Variants in RCBTB2 observed in about 807,000 individuals in gnomAD.
RCBTB2 encodes RCC1 and BTB domain-containing protein 2.
RCBTB2 carries 55 observed loss-of-function variants against 65.4 expected under a neutral mutation model. The ratio of observed to expected loss-of-function variants is 0.84; its 90% CI spans 0.68 to 1.05. RCBTB2 has a LOEUF of 1.05. Among genes scored for constraint, RCBTB2 ranks in the 50% least tolerant of loss-of-function variants. RCBTB2 has a pLI of 0.00. For synonymous variants in RCBTB2, 220 were observed against 255.2 expected (o/e 0.86, Z 1.31); for missense variants, 599 against 680.1 (o/e 0.88, Z 1.33).
At chr13:48,515,847 C>A in intron 4 of RCBTB2, 106 bp from the exon 5 acceptor site, 1 of 1,153,900 alleles carries the variant, frequency 8.7e-7, no homozygotes, top group Non-Finnish European at 1.2e-6. Flanking sequence ...GAGGAACACA[C>A]TGCATCCATT....
At chr13:48,506,489 G>T (rs1042669755) in intron 10 of RCBTB2, among the ~76,000 whole-genome samples, 2 of 152,204 alleles carry the variant, frequency 1.3e-5, no homozygotes, top group African/African-American at 4.8e-5. Flanking sequence ...GGTTGCCAAG[G>T]AGTAATGAGG....
Position 48,502,794 on chromosome 13 carries a change from G to C in RCBTB2, c.1047C>G (p.His349Gln). ...CAAACACGTCGTCAGTGCAGGAGAA[G>C]TGGGTGAGGTGCGGGAGGATCACGG... ...GQSVILPHLT[H>Q]FSCTDDVFAC... The change falls in exon 11 of 15, where the codon CAC (histidine) becomes CAG (glutamine). Residue 349 changes from histidine (H) to glutamine (Q), a missense_variant. By Grantham distance (24) the His-to-Gln change is conservative. Coordinates refer to ENST00000344532, the MANE Select transcript of RCBTB2 (RefSeq NM_001268.4). 6.2e-7 allele frequency: 1 copy of C among 1,614,236 alleles called. No individual in the cohort carries two copies. Among genetic ancestry groups the C allele is most frequent in the Non-Finnish European group, 8.5e-7 (1 of 1,180,044 alleles).
At chr13:48,517,477 A>G (rs1593748645) in intron 4 of RCBTB2, among the ~76,000 whole-genome samples, 1 of 152,116 alleles carries the variant, frequency 6.6e-6, no homozygotes, top group East Asian at 1.9e-4. Context: ...ATCAAACACA[A>G]CTTTGTTACT....
intron 10 of RCBTB2, among the ~76,000 whole-genome samples, chr13:48,503,549 T>A (rs1042166207): frequency 7.2e-5 from 11 of 151,940 alleles, no homozygotes; most frequent in African/African-American, 2.7e-4. Context: ...GAACAATTTT[T>A]TTTTTTTAAG....
Position 48,490,251 on chromosome 13 carries a change from C to G in RCBTB2, c.1516G>C (p.Asp506His), listed in dbSNP as rs556179166. ...AACCTGAAGCAGAATTCTTCTAAAT[C>G]CTAGGAACAACAACAAAGATGGTTT... ...LSAAVKYDAQ[D>H]LEEFCFRFCI... is the part of the protein sequence containing the mutation. The change falls in exon 15 of 15, where the codon GAT becomes CAT. Residue 506 changes from aspartate to histidine, a missense_variant and splice_region_variant. By Grantham distance (81) the Asp-to-His change is moderately conservative (BLOSUM62 -1). Transcript: ENST00000344532. 6.2e-7 allele frequency: 1 copy of G among 1,611,400 alleles called. No homozygotes were observed. The highest frequency in any genetic ancestry group is 2.2e-5 in the East Asian group (1 of 44,842).
rs1371912455 is a variant in RCBTB2, at chr13:48,511,876, A to G, written c.677T>C (p.Val226Ala). 2 of 1,614,082 alleles carry G rather than the reference A, an allele frequency of 1.2e-6. No individual in the cohort carries two copies. Among genetic ancestry groups the G allele is most frequent in the Non-Finnish European group, 1.7e-6 (2 of 1,180,000 alleles). Residue 226 changes from valine to alanine, a missense_variant and splice_region_variant, in exon 9 of 15, where the codon GTC (valine) becomes GCC (alanine). Transcript: ENST00000344532. ...CCMAVVDTGE[V>A]YVWGYNGNGQ... ...GTTTCCGTTGTAACCCCAGACATAGACCTGAGAGAAAATGAGACCCTCAAT... is the reference window on the plus strand; with the variant it reads ...GTTTCCGTTGTAACCCCAGACATAGGCCTGAGAGAAAATGAGACCCTCAAT...
chr13:48,530,236 A>G lies in RCBTB2; in HGVS notation c.-219+2792T>C, dbSNP rs10129123. On this transcript the variant is annotated intron_variant, in intron 1 of 14. Coordinates refer to ENST00000344532, the MANE Select transcript of RCBTB2 (RefSeq NM_001268.4). ...AATTTAAATCCAAGTAAACCTCAAC[A>G]GTAGCAGTATCTTGGGGCATTTAAA... Among the ~76,000 whole-genome samples the G allele has an allele frequency of 7.2e-3, 1,101 of 152,314 alleles. 13 individuals are homozygous for G. The highest frequency in any genetic ancestry group is 0.025 in the African/African-American group (1,054 of 41,576).
chr13:48,534,999 T>C (rs1835049592), upstream of RCBTB2, among the ~76,000 whole-genome samples: 2 of 152,258 alleles, frequency 1.3e-5, no homozygotes, highest in African/African-American at 4.8e-5. Context: ...TATTAGATCC[T>C]GTCTTCCTTA....
intron 1 of RCBTB2, among the ~76,000 whole-genome samples, chr13:48,527,328 TATATATATG>T (rs1273530721): frequency 7.5e-6 from 1 of 133,128 alleles, no homozygotes; most frequent in African/African-American, 3.6e-5. Context: ...CTCATATATA[TATATATATG>T]ATATATATAT....
At chr13:48,503,019 A>T (rs1204880123) in intron 10 of RCBTB2, 105 bp from the exon 11 acceptor site, 8 of 1,269,610 alleles carry the variant, frequency 6.3e-6, no homozygotes, top group Non-Finnish European at 8.4e-6. Flanking sequence ...TAAAATTACA[A>T]AAAGGGTCAG....
At chr13:48,495,802 C>T (rs1189695567) in intron 14 of RCBTB2, among the ~76,000 whole-genome samples, 2 of 152,110 alleles carry the variant, frequency 1.3e-5, no homozygotes, top group African/African-American at 4.8e-5. Flanking sequence ...ATTTATAGAG[C>T]CATTTGTTCT....
intron 10 of RCBTB2, chr13:48,504,261 C>T (rs780057817): frequency 6.1e-6 from 6 of 985,342 alleles, no homozygotes; most frequent in African/African-American, 1.7e-5. Context: ...CTTGGAACAC[C>T]GTTCTCATCA....
intron 14 of RCBTB2, among the ~76,000 whole-genome samples, chr13:48,494,609 T>C (rs1397820882): frequency 6.6e-6 from 1 of 152,100 alleles, no homozygotes; most frequent in Non-Finnish European, 1.5e-5. Flanking sequence ...GACAAATAAT[T>C]CACATAAATA....
chr13:48,510,853 A>G, intron 9 of RCBTB2, 82 bp from the exon 10 acceptor site: 1 of 1,442,554 alleles, frequency 6.9e-7, no homozygotes, highest in Non-Finnish European at 9.5e-7. Context: ...AGAATCAAAA[A>G]TGAAAAAAAA....
At chr13:48,499,536 C>T (rs1272240574) in intron 13 of RCBTB2, 85 bp downstream of exon 13, 3 of 1,366,192 alleles carry the variant, frequency 2.2e-6, no homozygotes, top group Admixed American at 2.0e-5. Context: ...ATTACCCTCA[C>T]AGTGACTTTC....
At chr13:48,498,429 G>A (rs9332053) in intron 13 of RCBTB2, among the ~76,000 whole-genome samples, 10,451 of 152,068 alleles carry the variant, frequency 0.069, 859 homozygotes, top group African/African-American at 0.19. Context: ...GTGGTGGGCC[G>A]ATAAAAAACT....
intron 4 of RCBTB2, among the ~76,000 whole-genome samples, chr13:48,516,302 C>G (rs1416981318): frequency 6.6e-6 from 1 of 152,172 alleles, no homozygotes; most frequent in Non-Finnish European, 1.5e-5. Flanking sequence ...GGAATTAACA[C>G]CCAGAAAACA....
intron 1 of RCBTB2, among the ~76,000 whole-genome samples, chr13:48,527,391 T>TATCATATATA (rs1951863053): frequency 8.0e-6 from 1 of 125,718 alleles, no homozygotes; most frequent in African/African-American, 4.4e-5. Flanking sequence ...TGATATATAT[T>TATCATATATA]TATATTAAAA....
intron 2 of RCBTB2, among the ~76,000 whole-genome samples, chr13:48,522,793 C>T (rs1281076549): frequency 6.6e-6 from 1 of 152,148 alleles, no homozygotes; most frequent in Non-Finnish European, 1.5e-5. Context: ...TCTATTATTT[C>T]AGGTACTAAC....
Sources: gnomAD v4.1 joint callset for allele counts (sites outside exome capture counted in the v4.1 genomes callset) on GRCh38, gnomAD v4.1.1 for gene constraint, MANE v1.5 for transcripts, NCBI Gene and HGNC (gene_info 2026-07-23, HGNC 2026-07-21) for gene names.